The following CPED1 variants were observed in gnomAD, a reference collection of about 807,000 sequenced individuals.
The protein encoded by CPED1 is cadherin like and PC-esterase domain containing 1.
CPED1 carries 114 observed loss-of-function variants against 128.2 expected under a neutral mutation model. The observed-to-expected ratio is 0.89, with a 90% confidence interval of 0.76 to 1.04. The LOEUF is 1.04. CPED1 is among the 50% of genes least tolerant of loss of function. The pLI, the probability that CPED1 is intolerant of heterozygous loss-of-function variation, is 0.00. For missense variants in CPED1, 1,211 were observed against 1,207.1 expected (o/e 1.00, Z -0.05); for synonymous variants, 462 against 426.7 (o/e 1.08, Z -1.02).
intron 5 of CPED1, among the ~76,000 whole-genome samples, chr7:121,072,472 GT>G (rs5887009): frequency 0.87 from 132,383 of 152,112 alleles, 58,161 homozygotes; most frequent in Middle Eastern, 0.98. Context: ...CAAGGCTGAT[GT>G]TAACTAAATT....
chr7:121,230,011 A>G (rs1224402402), intron 16 of CPED1, among the ~76,000 whole-genome samples: 1 of 152,044 alleles, frequency 6.6e-6, no homozygotes, highest in Non-Finnish European at 1.5e-5. Flanking sequence ...ATGCAATGCA[A>G]TCTCTTGAAT....
chr7:121,073,396 G>A (rs1794042140), intron 5 of CPED1, among the ~76,000 whole-genome samples: 1 of 152,076 alleles, frequency 6.6e-6, no homozygotes, highest in Non-Finnish European at 1.5e-5. Context: ...TGGAGGAAGT[G>A]GAAAAGGAGG....
At chr7:121,207,969 C>T (rs1174597608) in intron 16 of CPED1, among the ~76,000 whole-genome samples, 1 of 151,996 alleles carries the variant, frequency 6.6e-6, no homozygotes, top group Non-Finnish European at 1.5e-5. Flanking sequence ...CCCCACCAAC[C>T]TAATGCAGAC....
intron 2 of CPED1, among the ~76,000 whole-genome samples, chr7:121,007,837 A>G (rs1377823317): frequency 6.6e-6 from 1 of 151,928 alleles, no homozygotes; most frequent in Non-Finnish European, 1.5e-5. Context: ...CAGGCTCCAT[A>G]GAACAGAACT....
rs35159862 is a variant in CPED1, at chr7:121,044,648, C to CTTTTTTTTGTTTTTTTTTT, written c.434-2238_434-2237insTTTTTTTGTTTTTTTTTTT. Among the ~76,000 whole-genome samples, 2 of 69,536 alleles carry CTTTTTTTTGTTTTTTTTTT rather than the reference C, an allele frequency of 2.9e-5. 1 individual carries two copies. The highest frequency in any genetic ancestry group is 1.0e-4 in the African/African-American group (2 of 19,738). 45.6% of individuals were successfully genotyped at this position (69,536 alleles called of 152,430 possible). On this transcript the variant is annotated intron_variant, in intron 3 of 22. Transcript: ENST00000310396. ...GATTGCTGAGAGCAGTGACTTTCTG[C>CTTTTTTTTGTTTTTTTTTT]TCTTTTTTTTTTTTTTTTTTTGCTA...
At position 121,295,472 on chromosome 7, in the gene CPED1, C is replaced by T; in HGVS notation, c.2901C>T (p.Asn967=). Residue 967 remains asparagine, a synonymous_variant, in exon 23 of 23, where the codon AAC becomes AAT. Coordinates refer to ENST00000310396, the MANE Select transcript of CPED1 (RefSeq NM_024913.5). ...AATCAAAGTTATCCAAAGAATATAA[C>T]TTTATTAAAATGAAAAGATCAAGAA... ...VVKSKLSKEY[N]FIKMKRSRNH... is the part of the protein sequence containing the mutation. The T allele has an allele frequency of 6.2e-7, 1 of 1,613,324 alleles. No individual in the cohort carries two copies. The highest frequency in any genetic ancestry group is 8.5e-7 in the Non-Finnish European group (1 of 1,179,568).
Position 121,088,763 on chromosome 7 carries a change from CAAAAAAAAAAAAA to C in CPED1, c.617-8919_617-8907del, listed in dbSNP as rs71170226. Among the ~76,000 whole-genome samples, 40 of 53,814 alleles carry C rather than the reference CAAAAAAAAAAAAA, an allele frequency of 7.4e-4. No individual in the cohort carries two copies. In the East Asian group the frequency reaches 0.016, roughly 21 times the overall value. 35.3% of individuals were successfully genotyped at this position (53,814 alleles called of 152,430 possible). Reference sequence around the variant, plus strand: ...AAGTTAAAATCTAGGCAAAAATTGGCAAAAAAAAAAAAAAAAAAAAAAAAAAAAATTGAAAGTG... The same window carrying C: ...AAGTTAAAATCTAGGCAAAAATTGGCAAAAAAAAAAAAAAAATTGAAAGTG... On this transcript the variant is annotated intron_variant, in intron 5 of 22. Coordinates refer to ENST00000310396, the MANE Select transcript of CPED1 (RefSeq NM_024913.5).
chr7:121,251,061 C>G (rs1209444869), intron 18 of CPED1, among the ~76,000 whole-genome samples: 1 of 152,138 alleles, frequency 6.6e-6, no homozygotes, highest in Non-Finnish European at 1.5e-5. Flanking sequence ...ATGCAAAAAT[C>G]CTCAATAAAA....
At chr7:121,251,267 C>G (rs564632682) in intron 18 of CPED1, among the ~76,000 whole-genome samples, 79 of 152,170 alleles carry the variant, frequency 5.2e-4, no homozygotes, top group South Asian at 2.3e-3. Flanking sequence ...ATTCAACAAC[C>G]CTTCATGCTA....
At chr7:121,228,600 A>AAT (rs1554451014) in intron 16 of CPED1, among the ~76,000 whole-genome samples, 1 of 150,964 alleles carries the variant, frequency 6.6e-6, no homozygotes, top group Non-Finnish European at 1.5e-5. Flanking sequence ...AAAAAAAAAA[A>AAT]TCCAAAATAG....
Position 121,015,663 on chromosome 7 carries a change from A to G in CPED1, c.250-2A>G. 4.4e-6 allele frequency: 7 copies of G among 1,592,040 alleles called. No homozygotes were observed. Among genetic ancestry groups the G allele is most frequent in the Non-Finnish European group, 6.0e-6 (7 of 1,172,634 alleles). On this transcript the variant is annotated splice_acceptor_variant, in intron 2 of 22. Coordinates refer to ENST00000310396, the MANE Select transcript of CPED1 (RefSeq NM_024913.5). LOFTEE classifies it high-confidence loss of function. ...TTGAATTTTTATGCCTTCTTTTCTT[A>G]GGTCAAAGAATCAATGGAGACACAC...
chr7:121,182,180 A>T (rs1464711077), intron 16 of CPED1, among the ~76,000 whole-genome samples: 1 of 148,760 alleles, frequency 6.7e-6, no homozygotes, highest in Non-Finnish European at 1.5e-5. Context: ...CCCGTGCTAA[A>T]TACTTCAATT....
At chr7:121,180,113 A>G (rs1273336888) in intron 16 of CPED1, among the ~76,000 whole-genome samples, 2 of 152,066 alleles carry the variant, frequency 1.3e-5, no homozygotes, top group African/African-American at 4.8e-5. Flanking sequence ...ATAGTATCAC[A>G]TGGTGGTCCC....
At chr7:120,996,485 C>T (rs1292748015) in intron 2 of CPED1, among the ~76,000 whole-genome samples, 1 of 152,102 alleles carries the variant, frequency 6.6e-6, no homozygotes, top group Non-Finnish European at 1.5e-5. Context: ...AACCAGCTTG[C>T]ATGTTGCTTC....
intron 2 of CPED1, among the ~76,000 whole-genome samples, chr7:121,013,467 T>C (rs1291941514): frequency 1.3e-5 from 2 of 152,212 alleles, no homozygotes; most frequent in African/African-American, 2.4e-5. Flanking sequence ...TATGTTAACA[T>C]GTGCCAGGCA....
Position 121,031,359 on chromosome 7 carries a change from T to A in CPED1, c.433+15511T>A, listed in dbSNP as rs188752621. Among the ~76,000 whole-genome samples, 135 of 152,276 alleles carry A rather than the reference T, an allele frequency of 8.9e-4. 1 individual carries two copies. In the Middle Eastern group the frequency reaches 0.017, roughly 19 times the overall value. On this transcript the variant is annotated intron_variant, in intron 3 of 22. Transcript: ENST00000310396. ...TGGAGTCTTGCTCTGTTGCCCAGGT[T>A]GGAGGGCAGTGGCGTGATCCCAGGT...
chr7:121,057,288 A>G (rs2116017472), intron 4 of CPED1, among the ~76,000 whole-genome samples: 1 of 152,160 alleles, frequency 6.6e-6, no homozygotes, highest in African/African-American at 2.4e-5. Flanking sequence ...TCTAATTTTT[A>G]TAATAATTTC....
chr7:121,293,539 C>A (rs1792756432), intron 22 of CPED1, among the ~76,000 whole-genome samples: 1 of 152,018 alleles, frequency 6.6e-6, no homozygotes, highest in African/African-American at 2.4e-5. Flanking sequence ...GTGTTCCAGG[C>A]ACTACTGGGG....
chr7:121,228,391 C>T (rs879389539), intron 16 of CPED1, among the ~76,000 whole-genome samples: 3 of 151,656 alleles, frequency 2.0e-5, no homozygotes, highest in Admixed American at 1.3e-4. Flanking sequence ...AAAAAATGCT[C>T]GATATCACTA....
Sources: allele counts gnomAD v4.1 joint callset (sites outside exome capture counted in the v4.1 genomes callset), GRCh38; gene constraint gnomAD v4.1.1; transcripts MANE v1.5; gene names NCBI Gene and HGNC (gene_info 2026-07-23, HGNC 2026-07-21).